CRACD: variants seen among roughly 807,000 people sequenced by gnomAD.
CRACD encodes capping protein inhibiting regulator of actin dynamics.
Under a neutral mutation model 106.8 loss-of-function variants are expected in CRACD, and 56 were observed. The observed-to-expected ratio is 0.52, with a 90% CI of 0.42 to 0.66. The LOEUF is 0.66. Among genes scored for constraint, CRACD ranks in the 30% least tolerant of loss-of-function variants. CRACD has a pLI of 0.00. For synonymous variants in CRACD, 754 were observed against 670.8 expected (o/e 1.12, Z -1.92); for missense variants, 1,730 against 1,623.2 (o/e 1.07, Z -1.13).
In CRACD at chr4:56,314,716, A is replaced by T; in HGVS notation, c.1214A>T (p.Glu405Val). 4 of 1,566,090 alleles carry T rather than the reference A, an allele frequency of 2.6e-6. No individual in the cohort carries two copies. Among genetic ancestry groups the T allele is most frequent in the Non-Finnish European group, 3.5e-6 (4 of 1,155,496 alleles). The change falls in exon 8 of 11, where the codon GAG becomes GTG. Residue 405 changes from glutamate (E) to valine (V), a missense_variant. By Grantham distance (121) the Glu-to-Val change is moderately radical. This residue lies in a region of CRACD where 1,620 missense variants were observed against 1,481.6 expected (regional missense o/e 1.09). Coordinates refer to ENST00000682029, the MANE Select transcript of CRACD (RefSeq NM_001393381.1). The surrounding 1 kb of genome is among the most constrained non-coding windows in gnomAD (Gnocchi z 4.4). ...GAGGAGGAGGATCTGGGGGAAGAGG[A>T]GGAGGAGGGCCAGGCGCACCTGGAG... ...GAEEEDLGEE[E>V]EEGQAHLEDW... is the part of the protein sequence containing the mutation.
At chr4:56,110,523 T>C (rs1462636448) in intron 1 of CRACD, among the ~76,000 whole-genome samples, 2 of 152,138 alleles carry the variant, frequency 1.3e-5, no homozygotes, top group Non-Finnish European at 2.9e-5. Flanking sequence ...TAGTCCATAT[T>C]TGAGCATATT....
At chr4:56,106,109 A>G (rs1365753913) in intron 1 of CRACD, among the ~76,000 whole-genome samples, 1 of 152,104 alleles carries the variant, frequency 6.6e-6, no homozygotes, top group African/African-American at 2.4e-5. Flanking sequence ...TGCATAAAGC[A>G]TTTTGCTGGG....
intron 1 of CRACD, among the ~76,000 whole-genome samples, chr4:56,123,111 C>T (rs975935933): frequency 1.7e-4 from 26 of 152,170 alleles, no homozygotes; most frequent in Admixed American, 1.5e-3. Context: ...GTGTAAATTA[C>T]AGATTTCCCT....
chr4:56,292,308 G>C (rs1262787679), intron 3 of CRACD, among the ~76,000 whole-genome samples: 3 of 152,160 alleles, frequency 2.0e-5, no homozygotes, highest in Non-Finnish European at 4.4e-5. Flanking sequence ...CCAAGGAGGG[G>C]GACCTTAGGA....
intron 2 of CRACD, among the ~76,000 whole-genome samples, chr4:56,213,982 A>G (rs1453838648): frequency 6.6e-6 from 1 of 152,268 alleles, no homozygotes; most frequent in Non-Finnish European, 1.5e-5. Flanking sequence ...CATTCAGGGT[A>G]GAAAGGGTGA....
intron 3 of CRACD, among the ~76,000 whole-genome samples, chr4:56,278,497 A>C (rs1249453731): frequency 6.6e-6 from 1 of 152,216 alleles, no homozygotes; most frequent in Non-Finnish European, 1.5e-5. Context: ...TCATATACAA[A>C]AATTAACTCA....
intron 2 of CRACD, among the ~76,000 whole-genome samples, chr4:56,245,028 G>A (rs1457052160): frequency 6.6e-6 from 1 of 152,092 alleles, no homozygotes; most frequent in Non-Finnish European, 1.5e-5. Flanking sequence ...AATTTTCTCT[G>A]ATTTCCAAAT....
At chr4:56,246,830 C>T (rs761113344) in intron 2 of CRACD, 1 of 152,210 alleles carries the variant, frequency 6.6e-6, no homozygotes, top group Non-Finnish European at 1.5e-5. Flanking sequence ...TTGCAGCTTC[C>T]TGCCTTCATG....
intron 3 of CRACD, among the ~76,000 whole-genome samples, chr4:56,296,583 G>A (rs527682402): frequency 1.5e-4 from 23 of 152,228 alleles, no homozygotes; most frequent in East Asian, 1.2e-3. Flanking sequence ...AATTCAGTTC[G>A]GAGGCACTGC....
At chr4:56,292,700 A>G (rs1743770570) in intron 3 of CRACD, among the ~76,000 whole-genome samples, 1 of 151,920 alleles carries the variant, frequency 6.6e-6, no homozygotes, top group Non-Finnish European at 1.5e-5. Context: ...AATTTTTTGT[A>G]TTTTTAGTAG....
chr4:56,287,367 C>G (rs1743433138), intron 3 of CRACD, among the ~76,000 whole-genome samples: 2 of 152,076 alleles, frequency 1.3e-5, no homozygotes, highest in African/African-American at 4.8e-5. Flanking sequence ...ACTGCAACCT[C>G]TGTCTCCCAG....
chr4:56,203,486 A>G (rs1217273592), intron 2 of CRACD, among the ~76,000 whole-genome samples: 1 of 152,178 alleles, frequency 6.6e-6, no homozygotes, highest in Non-Finnish European at 1.5e-5. Flanking sequence ...TCATCAGTCC[A>G]TAGATTACAG....
chr4:56,314,280 C>T lies in CRACD; in HGVS notation c.778C>T (p.Leu260Phe). The change falls in exon 8 of 11, where the codon CTT becomes TTT. Residue 260 changes from leucine to phenylalanine, a missense_variant. This residue lies in a region of CRACD where 1,620 missense variants were observed against 1,481.6 expected (regional missense o/e 1.09). Coordinates refer to ENST00000682029, the MANE Select transcript of CRACD (RefSeq NM_001393381.1). The surrounding 1 kb of genome is among the most constrained non-coding windows in gnomAD (Gnocchi z 4.4). ...EQRLQALERR[L>F]WEENRRQELL... Reference sequence around the variant, plus strand: ...GAGGCTGCAGGCGCTGGAGAGGAGGCTTTGGGAAGAGAACAGAAGGCAGGA... The same window carrying T: ...GAGGCTGCAGGCGCTGGAGAGGAGGTTTTGGGAAGAGAACAGAAGGCAGGA... The T allele has an allele frequency of 5.1e-6, 8 of 1,559,440 alleles. No individual in the cohort carries two copies. Among genetic ancestry groups the T allele is most frequent in the Non-Finnish European group, 7.0e-6 (8 of 1,151,034 alleles).
chr4:56,093,322 T>C (rs893659494), intron 1 of CRACD, among the ~76,000 whole-genome samples: 7 of 152,206 alleles, frequency 4.6e-5, no homozygotes, highest in Non-Finnish European at 8.8e-5. Flanking sequence ...CTGTAGGTAC[T>C]TGGGGATGTG....
At chr4:56,175,421 A>G (rs926306971) in intron 1 of CRACD, among the ~76,000 whole-genome samples, 1 of 152,200 alleles carries the variant, frequency 6.6e-6, no homozygotes, top group East Asian at 1.9e-4. Context: ...TTCCCTAATG[A>G]TTAATATACC....
At chr4:56,190,232 G>C (rs938632506) in intron 2 of CRACD, among the ~76,000 whole-genome samples, 1 of 151,896 alleles carries the variant, frequency 6.6e-6, no homozygotes, top group African/African-American at 2.4e-5. Flanking sequence ...TTGGACATTT[G>C]GGTTGGTTCC....
chr4:56,242,873 C>G (rs906848881), intron 2 of CRACD, among the ~76,000 whole-genome samples: 1 of 152,044 alleles, frequency 6.6e-6, no homozygotes, highest in Non-Finnish European at 1.5e-5. Context: ...CAAGGGAGTA[C>G]GTGGAAGTTT....
chr4:56,257,040 G>A (rs1267135930), intron 2 of CRACD, among the ~76,000 whole-genome samples: 2 of 149,016 alleles, frequency 1.3e-5, no homozygotes, highest in Admixed American at 6.7e-5. Flanking sequence ...GGCTCTGAAA[G>A]AAATGGAAGT....
chr4:56,319,916 A>G (rs1359585875), intron 8 of CRACD, among the ~76,000 whole-genome samples: 2 of 152,152 alleles, frequency 1.3e-5, no homozygotes, highest in African/African-American at 4.8e-5. Flanking sequence ...GCTCACACCT[A>G]TAATCCCACA....
Sources: gnomAD v4.1 joint callset for allele counts (sites outside exome capture counted in the v4.1 genomes callset) on GRCh38, gnomAD v4.1.1 for gene constraint, gnomAD v4.1.1 regional missense constraint, Gnocchi (gnomAD v3.1) non-coding constraint, MANE v1.5 for transcripts, NCBI Gene and HGNC (gene_info 2026-07-23, HGNC 2026-07-21) for gene names.